Variants in C2orf76 observed in about 807,000 individuals in gnomAD.
C2orf76 encodes UPF0538 protein C2orf76.
Under a neutral mutation model 16.9 loss-of-function variants are expected in C2orf76, and 23 were observed. The observed-to-expected ratio is 1.36, with a 90% CI of 0.98 to 1.93. The LOEUF is 1.93. Among genes scored for constraint, C2orf76 ranks in the 30% most tolerant of loss-of-function variants. The pLI is 0.00. For missense variants in C2orf76, 152 were observed against 152.6 expected, an observed-to-expected ratio of 1.00 and a Z score of 0.02; for synonymous variants, 48 against 52.3, an observed-to-expected ratio of 0.92 and a Z score of 0.35.
intron 4 of C2orf76, among the ~76,000 whole-genome samples, chr2:119,313,758 AC>A (rs1415135905): frequency 6.6e-6 from 1 of 152,060 alleles, no homozygotes; most frequent in Non-Finnish European, 1.5e-5. Context: ...TGTTTCCCAC[AC>A]CCTCCCAACA....
intron 1 of C2orf76, among the ~76,000 whole-genome samples, chr2:119,340,913 T>TA (rs59470520): frequency 0.024 from 3,416 of 143,644 alleles, 41 homozygotes; most frequent in South Asian, 0.057. Context: ...AGCAAACAGT[T>TA]AAAAAAAAAA....
At chr2:119,355,294 C>T (rs895040206) in intron 1 of C2orf76, among the ~76,000 whole-genome samples, 1 of 152,196 alleles carries the variant, frequency 6.6e-6, no homozygotes, top group African/African-American at 2.4e-5. Flanking sequence ...CACACGTCTG[C>T]GTGTCTTAGA....
chr2:119,333,009 G>C (rs72829491), intron 2 of C2orf76, among the ~76,000 whole-genome samples: 3 of 152,086 alleles, frequency 2.0e-5, no homozygotes, highest in African/African-American at 7.2e-5. Flanking sequence ...CTGGGATTAC[G>C]GTGTGAGCCA....
At chr2:119,366,970 G>T (rs1681037492), upstream of C2orf76, 1 of 1,587,494 alleles carries the variant, frequency 6.3e-7, no homozygotes, top group East Asian at 2.2e-5. Flanking sequence ...CTCTAAAGGC[G>T]CTTGCCAGTG....
intron 4 of C2orf76, among the ~76,000 whole-genome samples, chr2:119,314,549 C>G (rs1431720876): frequency 6.6e-6 from 1 of 152,112 alleles, no homozygotes; most frequent in African/African-American, 2.4e-5. Flanking sequence ...TATTTTGGAA[C>G]TTTTAATTCT....
At chr2:119,339,371 CTG>C (rs917961538) in intron 2 of C2orf76, among the ~76,000 whole-genome samples, 1 of 152,156 alleles carries the variant, frequency 6.6e-6, no homozygotes, top group African/African-American at 2.4e-5. Context: ...ACCGCCGTTT[CTG>C]TGTCTGTGAC....
downstream of C2orf76, among the ~76,000 whole-genome samples, chr2:119,299,830 C>A (rs547071497): frequency 2.6e-5 from 4 of 152,238 alleles, no homozygotes; most frequent in East Asian, 7.7e-4. Context: ...AAATTGAATG[C>A]GTGCAAAGCA....
chr2:119,306,955 C>T (rs1008196289), intron 5 of C2orf76, among the ~76,000 whole-genome samples: 15 of 152,086 alleles, frequency 9.9e-5, no homozygotes, highest in African/African-American at 3.6e-4. Context: ...ATGACTACTG[C>T]AGAAAAGTCC....
chr2:119,287,003 G>A, the C2orf76 span, among the ~76,000 whole-genome samples: 20 of 152,284 alleles, frequency 1.3e-4, no homozygotes, highest in Admixed American at 1.2e-3. Context: ...CACCTGCGAA[G>A]TCCCTCCTGA....
chr2:119,314,780 TAAGA>T (rs1679112517), intron 4 of C2orf76, among the ~76,000 whole-genome samples: 2 of 152,342 alleles, frequency 1.3e-5, no homozygotes, highest in South Asian at 4.1e-4. Context: ...ATATGTAAAT[TAAGA>T]GAGAACTGAT....
chr2:119,293,001 C>T, the C2orf76 span, among the ~76,000 whole-genome samples: 2 of 152,194 alleles, frequency 1.3e-5, no homozygotes, highest in Admixed American at 1.3e-4. Flanking sequence ...TGCCACTGAA[C>T]TCCAGCCTGG....
intron 1 of C2orf76, among the ~76,000 whole-genome samples, chr2:119,364,390 A>G (rs1187186646): frequency 6.6e-6 from 1 of 152,232 alleles, no homozygotes; most frequent in Admixed American, 6.5e-5. Flanking sequence ...GGAGTGGTAC[A>G]AAGAGATTAC....
chr2:119,336,381 C>A (rs1679847103), intron 2 of C2orf76, among the ~76,000 whole-genome samples: 1 of 152,078 alleles, frequency 6.6e-6, no homozygotes, highest in Non-Finnish European at 1.5e-5. Flanking sequence ...CAGAGCGAGA[C>A]TCTGTCTCAA....
intron 1 of C2orf76, among the ~76,000 whole-genome samples, chr2:119,351,652 G>A (rs1412271515): frequency 6.6e-6 from 1 of 152,094 alleles, no homozygotes; most frequent in Non-Finnish European, 1.5e-5. Flanking sequence ...TACTCAGGAG[G>A]CTGAGGTAGG....
downstream of C2orf76, among the ~76,000 whole-genome samples, chr2:119,300,455 C>A (rs1308888930): frequency 6.6e-6 from 1 of 152,160 alleles, no homozygotes; most frequent in Non-Finnish European, 1.5e-5. Flanking sequence ...CATCTACCTA[C>A]TAGATACCGT....
chr2:119,305,942 C>CAAAAAAAAAAAAAACAAA (rs1678765506), intron 5 of C2orf76, among the ~76,000 whole-genome samples: 1 of 119,650 alleles, frequency 8.4e-6, no homozygotes, highest in African/African-American at 3.1e-5. Context: ...AAAACAACAA[C>CAAAAAAAAAAAAAACAAA]AAAAAAAAAA....
Position 119,311,655 on chromosome 2 carries a change from T to C in C2orf76, c.271A>G (p.Lys91Glu). ...SLEDDERLLL[K>E]EDSTLKAAGI... is the part of the protein sequence containing the mutation. The stretch of plus-strand genomic sequence containing the variant: ...GCTGCTTTCAGAGTGCTGTCTTCTT[T>C]CAGCAGGAGTCTTTCGTCATCTTCC... Residue 91 changes from lysine (K) to glutamate (E), a missense_variant, in exon 5 of 6, where the codon AAA (lysine) becomes GAA (glutamate). By Grantham distance (56) the Lys-to-Glu change is moderately conservative. Transcript: ENST00000334816. The C allele has an allele frequency of 6.2e-7, 1 of 1,613,312 alleles. No individual in the cohort carries two copies. The highest frequency in any genetic ancestry group is 8.5e-7 in the Non-Finnish European group (1 of 1,179,932).
the C2orf76 span, among the ~76,000 whole-genome samples, chr2:119,284,135 T>C: frequency 1.3e-5 from 2 of 152,148 alleles, no homozygotes; most frequent in African/African-American, 2.4e-5. Context: ...CCTGAGACAC[T>C]GAGGTTCCCA....
chr2:119,329,563 C>T (rs1679609795), intron 2 of C2orf76, among the ~76,000 whole-genome samples: 1 of 151,960 alleles, frequency 6.6e-6, no homozygotes, highest in African/African-American at 2.4e-5. Flanking sequence ...CTTTTTCTAT[C>T]TTCTTTTGGA....
Sources: gnomAD v4.1 joint callset for allele counts (sites outside exome capture counted in the v4.1 genomes callset) on GRCh38, gnomAD v4.1.1 for gene constraint, MANE v1.5 for transcripts, NCBI Gene and HGNC (gene_info 2026-07-23, HGNC 2026-07-21) for gene names.